Variants in MOB3A observed in about 807,000 individuals in gnomAD.
MOB3A encodes the protein MOB LAK.
Under a neutral mutation model 17.8 loss-of-function variants are expected in MOB3A, and 17 were observed. The observed-to-expected ratio is 0.95, with a 90% CI of 0.65 to 1.43. MOB3A has a LOEUF of 1.43. Ranked by LOEUF, MOB3A falls within the 40% of genes most tolerant of loss-of-function variation. The pLI is 0.00. For missense variants in MOB3A, 333 were observed against 310.8 expected (o/e 1.07, Z -0.54); for synonymous variants, 124 against 133.2 (o/e 0.93, Z 0.48).
At chr19:2,073,710 C>T (rs546227313) in intron 4 of MOB3A, among the ~76,000 whole-genome samples, 2 of 152,262 alleles carry the variant, frequency 1.3e-5, no homozygotes, top group East Asian at 3.9e-4. Context: ...CGATGGTAAC[C>T]TCACAAGTGT....
intron 4 of MOB3A, among the ~76,000 whole-genome samples, chr19:2,073,963 A>C (rs972123417): frequency 6.6e-6 from 1 of 150,588 alleles, no homozygotes; most frequent in African/African-American, 2.4e-5. Flanking sequence ...CCTGGGAGAC[A>C]GAGGTTACCG....
rs2017631325 is a variant in MOB3A, at chr19:2,093,052, TC to T, written c.-274+3173del. 6.6e-6 allele frequency among the ~76,000 whole-genome samples: 1 copy of T among 151,920 alleles called. No homozygotes were observed. Among genetic ancestry groups the T allele is most frequent in the African/African-American group, 2.4e-5 (1 of 41,378 alleles). ...AACAGAGCTCATCGGCTGGGGAAGG[TC>T]TAAAACTCCCCACCTTAAAACCCCA... On this transcript the variant is annotated intron_variant, in intron 1 of 4. Transcript: ENST00000357066. The surrounding 1 kb of genome is among the most constrained non-coding windows in gnomAD (Gnocchi z 4.6).
chr19:2,080,979 A>C (rs2017480113), intron 2 of MOB3A, among the ~76,000 whole-genome samples: 1 of 152,146 alleles, frequency 6.6e-6, no homozygotes, highest in Admixed American at 6.5e-5. Flanking sequence ...CGTCTCTACA[A>C]AAAAATTTAA....
rs532557628 is a variant in MOB3A, at chr19:2,077,139, G to T, written c.422-126C>A. On this transcript the variant is annotated intron_variant, in intron 3 of 4. Coordinates refer to ENST00000357066, the MANE Select transcript of MOB3A (RefSeq NM_130807.3). ...TGGCAGATCGGGCGCGGTGGCTGAC[G>T]CCTGTAATCCCAGCACTTTGGGAGG... The T allele has an allele frequency of 2.2e-5, 17 of 775,152 alleles. No homozygotes were observed. The African/African-American group carries it at 2.9e-4, about 13-fold the overall frequency. The allele number at this position is 775,152 out of a possible 1,614,324, so 48.0% of individuals were successfully genotyped here.
Position 2,089,215 on chromosome 19 carries a change from C to A in MOB3A, c.-273-3887G>T, listed in dbSNP as rs181413564. ...GAGGACCTGCTCTCGTGAAACTCAT[C>A]ATTTCCTGGCTGGCGGGAGGGGCTC... On this transcript the variant is annotated intron_variant, in intron 1 of 4. Transcript: ENST00000357066. Among the ~76,000 whole-genome samples, 12 of 152,304 alleles carry A rather than the reference C, an allele frequency of 7.9e-5. 1 individual carries two copies. In the East Asian group the frequency reaches 2.3e-3, roughly 29 times the overall value.
chr19:2,091,028 G>A (rs1413646235), intron 1 of MOB3A, among the ~76,000 whole-genome samples: 1 of 152,184 alleles, frequency 6.6e-6, no homozygotes, highest in Non-Finnish European at 1.5e-5. Flanking sequence ...CTGCATTAAA[G>A]CCAGAAGACC....
chr19:2,078,629 A>G lies in MOB3A; in HGVS notation c.-69T>C, dbSNP rs909676759. ...GGCCAGCTGGCTGGGGGTGCTGACCAACCCGAGAGGCCACGAAACACTCAC... is the reference window on the plus strand; with the variant it reads ...GGCCAGCTGGCTGGGGGTGCTGACCGACCCGAGAGGCCACGAAACACTCAC... On this transcript the variant is annotated 5_prime_UTR_variant, in exon 3 of 5. Coordinates refer to ENST00000357066, the MANE Select transcript of MOB3A (RefSeq NM_130807.3). 1.4e-6 allele frequency: 2 copies of G among 1,467,406 alleles called. No homozygotes were observed. Among genetic ancestry groups the G allele is most frequent in the African/African-American group, 2.8e-5 (2 of 70,716 alleles). 90.9% of individuals were successfully genotyped at this position (1,467,406 alleles called of 1,614,324 possible). A position where few individuals can be genotyped will look rare whatever the true frequency, so the allele number is the denominator to read the frequency against.
Position 2,078,261 on chromosome 19 carries a change from G to A in MOB3A, c.300C>T (p.Arg100=), listed in dbSNP as rs1312172558. ...VMSGGPKYEY[R]WQDEHKFRKP... ...TCCGGAACTTATGCTCATCCTGCCA[G>A]CGGTACTCATACTTGGGGCCCCCCG... Residue 100 remains arginine, a synonymous_variant, in exon 3 of 5, where the codon CGC becomes CGT. Transcript: ENST00000357066. 1.2e-6 allele frequency: 2 copies of A among 1,614,152 alleles called. No individual in the cohort carries two copies. Among genetic ancestry groups the A allele is most frequent in the South Asian group, 2.2e-5 (2 of 91,084 alleles).
chr19:2,075,178 AC>A (rs921333138), intron 4 of MOB3A, among the ~76,000 whole-genome samples: 19 of 151,844 alleles, frequency 1.3e-4, no homozygotes. Flanking sequence ...ACAGGCACGC[AC>A]CACTGTGCCT....
Position 2,078,503 on chromosome 19 carries a change from G to T in MOB3A, c.58C>A (p.Arg20Ser). The change falls in exon 3 of 5, where the codon CGC (arginine) becomes AGC (serine). Residue 20 changes from arginine to serine, a missense_variant. Arg to Ser is a moderately radical substitution (Grantham distance 110). Transcript: ENST00000357066. Reference protein sequence around the residue: ...FNKDKTFRPKRKFEPGTQRFE... With the variant: ...FNKDKTFRPKSKFEPGTQRFE... ...CGCTGGGTGCCTGGCTCAAACTTGCGCTTGGGGCGGAATGTCTTGTCCTTG... is the reference window on the plus strand; with the variant it reads ...CGCTGGGTGCCTGGCTCAAACTTGCTCTTGGGGCGGAATGTCTTGTCCTTG... The T allele has an allele frequency of 6.2e-7, 1 of 1,605,698 alleles. No individual in the cohort carries two copies. The highest frequency in any genetic ancestry group is 8.5e-7 in the Non-Finnish European group (1 of 1,174,104).
chr19:2,078,080 G>A (rs771324564), intron 3 of MOB3A, 60 bp downstream of exon 3: 100 of 1,471,326 alleles, frequency 6.8e-5, no homozygotes, highest in Non-Finnish European at 7.9e-5. Flanking sequence ...CACTGTGCTC[G>A]GCCTCCCTGA....
chr19:2,078,861 C>G (rs1568252794), intron 2 of MOB3A, 182 bp from the exon 3 acceptor site: 1 of 325,744 alleles, frequency 3.1e-6, no homozygotes, highest in Non-Finnish European at 5.6e-6. Flanking sequence ...CAGGCCCAAG[C>G]GATCCTCTCA....
In MOB3A at chr19:2,078,153, G is replaced by A; in HGVS notation, c.408C>T (p.Phe136=). The stretch of plus-strand genomic sequence containing the variant: ...GCTCTGACTCACCAACGTTGGTGGG[G>A]AAGAGGTCCTCGTTGTTGATCTGCG... ...IEAQINNEDL[F]PTNVGTPFPK... The change falls in exon 3 of 5, where the codon TTC becomes TTT. Residue 136 remains phenylalanine, a synonymous_variant. Coordinates refer to ENST00000357066, the MANE Select transcript of MOB3A (RefSeq NM_130807.3). The A allele has an allele frequency of 6.3e-7, 1 of 1,575,586 alleles. No homozygotes were observed. The highest frequency in any genetic ancestry group is 8.7e-7 in the Non-Finnish European group (1 of 1,155,220).
At chr19:2,077,078 C>T in intron 3 of MOB3A, 65 bp from the exon 4 acceptor site, 1 of 1,431,576 alleles carries the variant, frequency 7.0e-7, no homozygotes, top group Non-Finnish European at 9.6e-7. Flanking sequence ...ACCCTTTGCT[C>T]CTGGATGTGA....
At chr19:2,080,698 A>C (rs2017476819) in intron 2 of MOB3A, among the ~76,000 whole-genome samples, 1 of 152,090 alleles carries the variant, frequency 6.6e-6, no homozygotes, top group South Asian at 2.1e-4. Context: ...CTTGTGACGA[A>C]GTCCTGTCTT....
chr19:2,075,142 TC>T (rs2017388619), intron 4 of MOB3A, among the ~76,000 whole-genome samples: 1 of 151,754 alleles, frequency 6.6e-6, no homozygotes, highest in Non-Finnish European at 1.5e-5. Context: ...AATTCTCCTG[TC>T]TCAGCCCCCT....
At chr19:2,091,169 C>T (rs868715798) in intron 1 of MOB3A, among the ~76,000 whole-genome samples, 59 of 152,148 alleles carry the variant, frequency 3.9e-4, no homozygotes, top group African/African-American at 1.3e-3. Flanking sequence ...ACACGCGCTT[C>T]CTGCAGAGTC....
intron 1 of MOB3A, among the ~76,000 whole-genome samples, chr19:2,094,996 C>G (rs1436121018): frequency 1.3e-5 from 2 of 152,206 alleles, no homozygotes. Context: ...CATGGCGAAA[C>G]TCCGTCTCTA....
At chr19:2,080,872 G>A (rs545575068) in intron 2 of MOB3A, among the ~76,000 whole-genome samples, 1 of 152,296 alleles carries the variant, frequency 6.6e-6, no homozygotes, top group Admixed American at 6.5e-5. Context: ...CAGGCCGGGT[G>A]CAGTGGTTCA....
Sources: allele counts gnomAD v4.1 joint callset (sites outside exome capture counted in the v4.1 genomes callset), GRCh38; gene constraint gnomAD v4.1.1; non-coding constraint Gnocchi (gnomAD v3.1); transcripts MANE v1.5; gene names NCBI Gene and HGNC (gene_info 2026-07-23, HGNC 2026-07-21).